The following SLC26A4 variants were observed in gnomAD, a reference collection of about 807,000 sequenced individuals.
SLC26A4 encodes the protein pendrin.
Under a neutral mutation model 90.4 loss-of-function variants are expected in SLC26A4, and 93 were observed. The observed-to-expected ratio is 1.03, with a 90% CI of 0.87 to 1.22. The LOEUF (loss-of-function observed/expected upper bound fraction) is 1.22. SLC26A4 is among the 50% of genes most tolerant of loss of function. SLC26A4 has a pLI of 0.00. For missense variants in SLC26A4, 1,127 were observed against 946.2 expected (o/e 1.19, Z -2.51); for synonymous variants, 393 against 354.6 (o/e 1.11, Z -1.22).
Position 107,714,471 on chromosome 7 carries a change from G to A in SLC26A4, c.2320-952G>A, listed in dbSNP as rs143648718. 5.1e-3 allele frequency among the ~76,000 whole-genome samples: 771 copies of A among 152,308 alleles called. 7 individuals carry two copies. The highest frequency in any genetic ancestry group is 0.017 in the Middle Eastern group (5 of 294). On this transcript the variant is annotated intron_variant, in intron 20 of 20. Transcript: ENST00000644269. ...ACCTGCATCTTGGCCCACCAGCTTAGTGAGCCCAGGAAAGTCATTATCGAC... is the reference window on the plus strand; with the variant it reads ...ACCTGCATCTTGGCCCACCAGCTTAATGAGCCCAGGAAAGTCATTATCGAC...
At chr7:107,678,797 G>A (rs928412860) in intron 6 of SLC26A4, among the ~76,000 whole-genome samples, 1 of 151,808 alleles carries the variant, frequency 6.6e-6, no homozygotes, top group African/African-American at 2.4e-5. Flanking sequence ...GAGCCGCTTA[G>A]TCTCTGAACA....
rs768531443 is a variant in SLC26A4 at position 107,715,433 on chromosome 7, C to T, written c.2330C>T (p.Thr777Ile). ...ELDVQDEAMR[T>I]LAS The stretch of plus-strand genomic sequence containing the variant: ...CCCTTGCTTCCACAGGCTATGCGTA[C>T]ACTTGCATCCTGAAAGTGGGTTCGG... The change falls in exon 21 of 21, where the codon ACA becomes ATA. Residue 777 changes from threonine to isoleucine, a missense_variant. Physicochemically the swap from Thr to Ile is moderately conservative, Grantham distance 89. Coordinates refer to ENST00000644269, the MANE Select transcript of SLC26A4 (RefSeq NM_000441.2). The T allele has an allele frequency of 1.9e-6, 3 of 1,613,214 alleles. No individual in the cohort carries two copies. The highest frequency in any genetic ancestry group is 2.7e-5 in the African/African-American group (2 of 74,878).
At chr7:107,696,083 A>G (rs200051413) in intron 13 of SLC26A4, 44 bp downstream of exon 13, 32 of 1,041,462 alleles carry the variant, frequency 3.1e-5, no homozygotes, top group Middle Eastern at 2.0e-4. Context: ...AGAACAACAC[A>G]CTCTGAGCTT....
At chr7:107,673,129 G>A (rs1790920000) in intron 4 of SLC26A4, among the ~76,000 whole-genome samples, 1 of 152,104 alleles carries the variant, frequency 6.6e-6, no homozygotes, top group Non-Finnish European at 1.5e-5. Context: ...ATGGAAGCTG[G>A]TTTTTCTCTT....
chr7:107,705,533 G>T, intron 18 of SLC26A4, among the ~76,000 whole-genome samples: 1 of 152,198 alleles, frequency 6.6e-6, no homozygotes, highest in African/African-American at 2.4e-5. Context: ...TAACCAAGAA[G>T]TCTTCTCTGT....
intron 6 of SLC26A4, among the ~76,000 whole-genome samples, chr7:107,682,333 A>G: frequency 6.6e-6 from 1 of 152,010 alleles, no homozygotes; most frequent in East Asian, 1.9e-4. Context: ...TATAATTTAA[A>G]AACAAAAAAC....
chr7:107,689,142 C>T lies in SLC26A4; in HGVS notation c.1091C>T (p.Ala364Val), dbSNP rs1182660622. The T allele has an allele frequency of 6.2e-7, 1 of 1,613,730 alleles. No homozygotes were observed. Among genetic ancestry groups the T allele is most frequent in the South Asian group, 1.1e-5 (1 of 91,078 alleles). Residue 364 changes from alanine to valine, a missense_variant, in exon 9 of 21, where the codon GCA becomes GTA. Ala to Val is a moderately conservative substitution (Grantham distance 64). Coordinates refer to ENST00000644269, the MANE Select transcript of SLC26A4 (RefSeq NM_000441.2). ...FSIAVVAYAI[A>V]VSVGKVYATK... is the part of the protein sequence containing the mutation. ...ATCGCTGTGGTGGCTTATGCTATTG[C>T]AGTGTCAGTAGGAAAAGTATATGCC...
intron 18 of SLC26A4, among the ~76,000 whole-genome samples, chr7:107,708,422 T>C (rs996741661): frequency 1.3e-5 from 2 of 152,228 alleles, no homozygotes; most frequent in African/African-American, 2.4e-5. Context: ...TTTCTTTATC[T>C]CTTCATACTT....
intron 6 of SLC26A4, among the ~76,000 whole-genome samples, chr7:107,679,977 AATCTTATTATATAATATAATCTT>A (rs1357162493): frequency 7.6e-5 from 10 of 132,328 alleles, no homozygotes; most frequent in African/African-American, 1.5e-4. Flanking sequence ...TATATAATAT[AATCTTATTATATAATATAATCTT>A]ATCTTATTAT....
chr7:107,686,483 T>TCTTTTC (rs1791424676), intron 8 of SLC26A4, among the ~76,000 whole-genome samples: 1 of 112,744 alleles, frequency 8.9e-6, no homozygotes, highest in Non-Finnish European at 1.9e-5. Flanking sequence ...TCTTTCTTTT[T>TCTTTTC]CTTTTCCTTT....
At chr7:107,690,331 C>T in intron 10 of SLC26A4, 94 bp downstream of exon 10, 2 of 811,926 alleles carry the variant, frequency 2.5e-6, no homozygotes, top group Non-Finnish European at 2.2e-6. Context: ...GGACAATTTG[C>T]CTTTCAGACT....
rs1198460781 is a variant in SLC26A4, at chr7:107,694,720, A to G, written c.1437+4A>G. 7 of 1,570,766 alleles carry G rather than the reference A, an allele frequency of 4.5e-6. No homozygotes were observed. The highest frequency in any genetic ancestry group is 6.1e-6 in the Non-Finnish European group (7 of 1,140,448). On this transcript the variant is annotated splice_donor_region_variant and intron_variant, in intron 12 of 20. Coordinates refer to ENST00000644269, the MANE Select transcript of SLC26A4 (RefSeq NM_000441.2). ...GAGACAGAATAAGATTGATGCTGTA[A>G]GTCACCTACCACCTATATTTATCTG...
intron 10 of SLC26A4, 55 bp from the exon 11 acceptor site, chr7:107,694,348 G>A (rs1008304898): frequency 1.5e-6 from 2 of 1,377,752 alleles, no homozygotes. Flanking sequence ...CCAGTGAGCT[G>A]GAAGACACAA....
chr7:107,679,851 A>ATTATTATATTATATAATC (rs1791133956), intron 6 of SLC26A4, among the ~76,000 whole-genome samples: 1 of 68,926 alleles, frequency 1.5e-5, no homozygotes, highest in Admixed American at 1.7e-4. Flanking sequence ...ATAATCTTAT[A>ATTATTATATTATATAATC]TTATTATATT....
intron 3 of SLC26A4, among the ~76,000 whole-genome samples, chr7:107,670,803 G>C (rs1320419232): frequency 6.6e-6 from 1 of 152,136 alleles, no homozygotes; most frequent in Non-Finnish European, 1.5e-5. Flanking sequence ...AGGTAAAACG[G>C]AGTAAGATAT....
chr7:107,668,639 T>C (rs1012181116), intron 3 of SLC26A4, among the ~76,000 whole-genome samples: 24 of 152,358 alleles, frequency 1.6e-4, no homozygotes, highest in Admixed American at 8.5e-4. Flanking sequence ...AAAAGATCGA[T>C]GCAACCCTTG....
chr7:107,707,079 G>A (rs1419039882), intron 18 of SLC26A4, among the ~76,000 whole-genome samples: 5 of 152,174 alleles, frequency 3.3e-5, no homozygotes, highest in Non-Finnish European at 7.3e-5. Context: ...GGAGGTAGCA[G>A]TGAGCCCAGA....
intron 6 of SLC26A4, among the ~76,000 whole-genome samples, chr7:107,675,470 G>A (rs1390427388): frequency 3.3e-5 from 5 of 151,572 alleles, no homozygotes; most frequent in African/African-American, 9.7e-5. Context: ...TCGCCCCACT[G>A]CACTCCACCC....
intron 4 of SLC26A4, 77 bp from the exon 5 acceptor site, chr7:107,674,086 AT>A (rs1188177180): frequency 2.8e-6 from 4 of 1,406,702 alleles, no homozygotes; most frequent in East Asian, 4.6e-5. Flanking sequence ...TCTTTTATAC[AT>A]TTTTTAAACC....
Sources: gnomAD v4.1 joint callset for allele counts (sites outside exome capture counted in the v4.1 genomes callset) on GRCh38, gnomAD v4.1.1 for gene constraint, MANE v1.5 for transcripts, NCBI Gene and HGNC (gene_info 2026-07-23, HGNC 2026-07-21) for gene names.